ZBTB48: variants seen among roughly 807,000 people sequenced by gnomAD.
The protein encoded by ZBTB48 is zinc finger and BTB domain containing 48.
In ZBTB48, 35 loss-of-function variants were observed where a neutral mutation model predicts 64.5. The ratio of observed to expected loss-of-function variants is 0.54; its 90% CI spans 0.41 to 0.72. The LOEUF (loss-of-function observed/expected upper bound fraction) is 0.72. Among genes scored for constraint, ZBTB48 ranks in the 30% least tolerant of loss-of-function variants. ZBTB48 has a pLI of 0.00. For synonymous variants in ZBTB48, 442 were observed against 356.7 expected, an observed-to-expected ratio of 1.24 and a Z score of -2.70; for missense variants, 828 against 895.3, an observed-to-expected ratio of 0.92 and a Z score of 0.96.
intron 7 of ZBTB48, 90 bp downstream of exon 7, chr1:6,587,722 A>G: frequency 6.4e-7 from 1 of 1,551,200 alleles, no homozygotes; most frequent in Non-Finnish European, 8.7e-7. Context: ...TGACTTTTAC[A>G]CAGATGAGTG....
At position 6,588,949 on chromosome 1, in the gene ZBTB48, C is replaced by T. The variant is rs779914589; in HGVS notation, c.1804C>T (p.Arg602Trp). Residue 602 changes from arginine (R) to tryptophan (W), a missense_variant, in exon 11 of 11, where the codon CGG becomes TGG. By Grantham distance (101) the Arg-to-Trp change is moderately radical. Transcript: ENST00000377674. ...HLRRHMEIHD[R>W]VENYNPRQRK... The stretch of plus-strand genomic sequence containing the variant: ...GCGGAGGCACATGGAGATCCACGAC[C>T]GGGTAGAGAACTACAACCCGCGGCA... 3.7e-6 allele frequency: 6 copies of T among 1,609,292 alleles called. No homozygotes were observed. Among genetic ancestry groups the T allele is most frequent in the East Asian group, 2.2e-5 (1 of 44,812 alleles).
In ZBTB48 at chr1:6,582,238, G is replaced by T. The variant is rs1267359191; in HGVS notation, c.871G>T (p.Val291Phe). 5 of 1,614,002 alleles carry T rather than the reference G, an allele frequency of 3.1e-6. No homozygotes were observed. The highest frequency in any genetic ancestry group is 4.2e-6 in the Non-Finnish European group (5 of 1,180,000). ...GAACAGAAAAGGTACAGCGGTGCCG[G>T]TCGAATGCCCCACATGTCATAAAAA... ...AENRKGTAVP[V>F]ECPTCHKKFL... The change falls in exon 3 of 11, where the codon GTC (valine) becomes TTC (phenylalanine). Residue 291 changes from valine (V) to phenylalanine (F), a missense_variant. Physicochemically the swap from Val to Phe is conservative, Grantham distance 50 (BLOSUM62 -1). Coordinates refer to ENST00000377674, the MANE Select transcript of ZBTB48 (RefSeq NM_005341.4).
intron 7 of ZBTB48, among the ~76,000 whole-genome samples, 155 bp from the exon 8 acceptor site, chr1:6,587,905 C>T (rs1212758813): frequency 6.6e-6 from 1 of 152,170 alleles, no homozygotes; most frequent in Non-Finnish European, 1.5e-5. Flanking sequence ...GTGACTCCTG[C>T]TCATAGATTG....
intron 5 of ZBTB48, 146 bp downstream of exon 5, chr1:6,586,933 C>A (rs891054783): frequency 3.1e-6 from 3 of 970,852 alleles, no homozygotes; most frequent in Admixed American, 2.0e-5. Flanking sequence ...CTTTCCAGTG[C>A]CCCCTTATCT....
Position 6,586,706 on chromosome 1 carries a change from CT to C in ZBTB48, c.1057del (p.Ser353LeufsTer45). ...CCTCACACTGCCAGGTCTTCACGTG[CT>C]CTGTGTGCCAGGAGACATTCCGCCG... Reference protein sequence around the residue: ...MNRSEQVFTCSVCQETFRRRM... With the variant: ...MNRSEQVFTCXVCQETFRRRM... On this transcript the variant is annotated frameshift_variant, in exon 5 of 11. Transcript: ENST00000377674. LOFTEE classifies it high-confidence loss of function. 6.4e-7 allele frequency: 1 copy of C among 1,560,552 alleles called. No individual in the cohort carries two copies. The highest frequency in any genetic ancestry group is 8.7e-7 in the Non-Finnish European group (1 of 1,151,960).
Position 6,588,141 on chromosome 1 carries a change from C to T in ZBTB48, c.1461C>T (p.His487=). Reference sequence around the variant, plus strand: ...ATCTCAACATGCACCTGCGCACACACACGGGTGAGAAGCCCTTCCAGTGCC... The same window carrying T: ...ATCTCAACATGCACCTGCGCACACATACGGGTGAGAAGCCCTTCCAGTGCC... ...KANLNMHLRT[H]TGEKPFQCHL... The change falls in exon 8 of 11, where the codon CAC becomes CAT. Residue 487 remains histidine, a synonymous_variant. Transcript: ENST00000377674. 6.2e-7 allele frequency: 1 copy of T among 1,614,220 alleles called. No homozygotes were observed. Among genetic ancestry groups the T allele is most frequent in the Non-Finnish European group, 8.5e-7 (1 of 1,180,048 alleles).
Position 6,588,805 on chromosome 1 carries a change from G to T in ZBTB48, c.1731G>T (p.Lys577Asn). 3.1e-6 allele frequency: 5 copies of T among 1,614,166 alleles called. No individual in the cohort carries two copies. The highest frequency in any genetic ancestry group is 4.2e-6 in the Non-Finnish European group (5 of 1,180,036). The change falls in exon 10 of 11, where the codon AAG (lysine) becomes AAT (asparagine). Residue 577 changes from lysine to asparagine, a missense_variant. Transcript: ENST00000377674. ...TCAGACGGCACAAGGGGGTGAGGAA[G>T]TTTGAGTGCACCGAGTGTGGCTACA... ...VHVRRHKGVR[K>N]FECTECGYKF...
chr1:6,582,164 C>A lies in ZBTB48; in HGVS notation c.797C>A (p.Ala266Glu), dbSNP rs1640493515. ...TCAAATGTAATCCGAAAGCCCTGTGCAGCTGAGCCAGCCCTGAGCGCGGGC... is the reference window on the plus strand; with the variant it reads ...TCAAATGTAATCCGAAAGCCCTGTGAAGCTGAGCCAGCCCTGAGCGCGGGC... ...RKSNVIRKPC[A>E]AEPALSAGSL... The change falls in exon 3 of 11, where the codon GCA (alanine) becomes GAA (glutamate). Residue 266 changes from alanine to glutamate, a missense_variant. Coordinates refer to ENST00000377674, the MANE Select transcript of ZBTB48 (RefSeq NM_005341.4). 1 of 1,614,218 alleles carries A rather than the reference C, an allele frequency of 6.2e-7. No homozygotes were observed. Among genetic ancestry groups the A allele is most frequent in the Non-Finnish European group, 8.5e-7 (1 of 1,180,048 alleles).
rs1640783093 is a variant in ZBTB48, at chr1:6,589,006, G to A, written c.1861G>A (p.Glu621Lys). 8 of 1,596,862 alleles carry A rather than the reference G, an allele frequency of 5.0e-6. No individual in the cohort carries two copies. Among genetic ancestry groups the A allele is most frequent in the Non-Finnish European group, 6.0e-6 (7 of 1,170,056 alleles). The change falls in exon 11 of 11, where the codon GAG (glutamate) becomes AAG (lysine). Residue 621 changes from glutamate (E) to lysine (K), a missense_variant. Glu to Lys is a moderately conservative substitution (Grantham distance 56). Coordinates refer to ENST00000377674, the MANE Select transcript of ZBTB48 (RefSeq NM_005341.4). Reference sequence around the variant, plus strand: ...GCTCCGCAACCTGATCATCGAGGACGAGAAGATGGTGGTGGTGGCGCTGCA... The same window carrying A: ...GCTCCGCAACCTGATCATCGAGGACAAGAAGATGGTGGTGGTGGCGCTGCA... ...RKLRNLIIED[E>K]KMVVVALQPP...
rs1278009402 is a variant in ZBTB48 at position 6,580,641 on chromosome 1, G to A, written c.32G>A (p.Arg11Lys). 1.9e-6 allele frequency: 3 copies of A among 1,613,990 alleles called. No individual in the cohort carries two copies. The highest frequency in any genetic ancestry group is 1.7e-5 in the Admixed American group (1 of 60,028). ...GGCTCCTTCGTCCAGCACAGTGTGAGGGTTCTGCAGGAGCTCAACAAGCAG... is the reference window on the plus strand; with the variant it reads ...GGCTCCTTCGTCCAGCACAGTGTGAAGGTTCTGCAGGAGCTCAACAAGCAG... MDGSFVQHSV[R>K]VLQELNKQRE... The change falls in exon 2 of 11, where the codon AGG becomes AAG. Residue 11 changes from arginine (R) to lysine (K), a missense_variant. Coordinates refer to ENST00000377674, the MANE Select transcript of ZBTB48 (RefSeq NM_005341.4). This position sits in a 1 kb window ranked among gnomAD's most constrained non-coding sequence, Gnocchi z 5.2.
chr1:6,585,969 A>C lies in ZBTB48; in HGVS notation c.983A>C (p.Tyr328Ser). The C allele has an allele frequency of 6.2e-7, 1 of 1,614,148 alleles. No individual in the cohort carries two copies. The highest frequency in any genetic ancestry group is 8.5e-7 in the Non-Finnish European group (1 of 1,179,970). ...PFECPKCGKC[Y>S]FRKENLLEHE... ...GAGTGTCCCAAATGTGGGAAGTGTTACTTTCGGAAGGAGAACCTCCTGGAG... is the reference window on the plus strand; with the variant it reads ...GAGTGTCCCAAATGTGGGAAGTGTTCCTTTCGGAAGGAGAACCTCCTGGAG... The change falls in exon 4 of 11, where the codon TAC becomes TCC. Residue 328 changes from tyrosine (Y) to serine (S), a missense_variant. By Grantham distance (144) the Tyr-to-Ser change is moderately radical. Coordinates refer to ENST00000377674, the MANE Select transcript of ZBTB48 (RefSeq NM_005341.4).
At chr1:6,586,861 G>A (rs1640688597) in intron 5 of ZBTB48, 74 bp downstream of exon 5, 1 of 1,519,606 alleles carries the variant, frequency 6.6e-7, no homozygotes, top group Non-Finnish European at 8.9e-7. Context: ...TTTACGTGGG[G>A]TGCTGTCAGG....
At chr1:6,587,121 G>C (rs758390601) in intron 5 of ZBTB48, 84 bp from the exon 6 acceptor site, 1 of 1,450,292 alleles carries the variant, frequency 6.9e-7, no homozygotes, top group Non-Finnish European at 9.6e-7. Flanking sequence ...CCTCCCTCTA[G>C]TTCCTGCCCT....
Position 6,581,128 on chromosome 1 carries a change from G to C in ZBTB48, c.519G>C (p.Gln173His), listed in dbSNP as rs1570154149. The change falls in exon 2 of 11, where the codon CAG (glutamine) becomes CAC (histidine). Residue 173 changes from glutamine (Q) to histidine (H), a missense_variant. Transcript: ENST00000377674. Reference protein sequence around the residue: ...DQEPRGSHSPQRPQLHSPAQS... With the variant: ...DQEPRGSHSPHRPQLHSPAQS... The stretch of plus-strand genomic sequence containing the variant: ...AGCCCAGAGGCAGTCATAGTCCTCA[G>C]AGGCCCCAGCTCCATTCCCCAGCTC... The C allele has an allele frequency of 6.2e-7, 1 of 1,613,350 alleles. No individual in the cohort carries two copies. Among genetic ancestry groups the C allele is most frequent in the Non-Finnish European group, 8.5e-7 (1 of 1,179,984 alleles).
Position 6,582,181 on chromosome 1 carries a change from A to G in ZBTB48, c.814A>G (p.Ser272Gly). The part of the protein sequence containing the change: ...RKPCAAEPAL[S>G]AGSLAAEPAE... ...GCCCTGTGCAGCTGAGCCAGCCCTGAGCGCGGGCTCCCTAGCAGCTGAGCC... is the reference window on the plus strand; with the variant it reads ...GCCCTGTGCAGCTGAGCCAGCCCTGGGCGCGGGCTCCCTAGCAGCTGAGCC... The change falls in exon 3 of 11, where the codon AGC becomes GGC. Residue 272 changes from serine to glycine, a missense_variant. Ser to Gly is a moderately conservative substitution (Grantham distance 56). Transcript: ENST00000377674. The G allele has an allele frequency of 6.2e-7, 1 of 1,614,212 alleles. No individual in the cohort carries two copies. The highest frequency in any genetic ancestry group is 2.2e-5 in the East Asian group (1 of 44,892).
chr1:6,587,430 C>T (rs765319960), intron 6 of ZBTB48, 48 bp from the exon 7 acceptor site: 5 of 1,611,734 alleles, frequency 3.1e-6, no homozygotes, highest in South Asian at 1.1e-5. Flanking sequence ...CTTCCCTGCT[C>T]TCACCCTGGC....
At position 6,580,423 on chromosome 1, in the gene ZBTB48, G is replaced by A. The variant is rs12043303; in HGVS notation, c.-69-118G>A. On this transcript the variant is annotated intron_variant, in intron 1 of 10. Transcript: ENST00000377674. The surrounding 1 kb of genome is among the most constrained non-coding windows in gnomAD (Gnocchi z 5.2). ...CCAATATGGCCCCCGGCCCCCGGGA[G>A]GCTGTCAGTGTGTTCCAGCCCTCCG... 1,970 of 629,834 alleles carry A rather than the reference G, an allele frequency of 3.1e-3. 33 individuals are homozygous for A. The highest frequency in any genetic ancestry group is 0.019 in the African/African-American group (1,050 of 54,412). 39.0% of individuals were successfully genotyped at this position (629,834 alleles called of 1,614,324 possible).
At position 6,589,123 on chromosome 1, in the gene ZBTB48, C is replaced by T. The variant is rs967859694; in HGVS notation, c.1978C>T (p.Leu660=). The change falls in exon 11 of 11, where the codon CTG becomes TTG. Residue 660 remains leucine, a synonymous_variant. Coordinates refer to ENST00000377674, the MANE Select transcript of ZBTB48 (RefSeq NM_005341.4). ...GLASQLPGQR[L]CAEESFTGPG... ...GGCCTCCCAGCTCCCCGGCCAGAGACTGTGTGCAGAGGAGAGCTTCACCGG... is the reference window on the plus strand; with the variant it reads ...GGCCTCCCAGCTCCCCGGCCAGAGATTGTGTGCAGAGGAGAGCTTCACCGG... 3 of 1,606,424 alleles carry T rather than the reference C, an allele frequency of 1.9e-6. No individual in the cohort carries two copies. Among genetic ancestry groups the T allele is most frequent in the Non-Finnish European group, 1.7e-6 (2 of 1,177,246 alleles).
chr1:6,580,428 T>G lies in ZBTB48; in HGVS notation c.-69-113T>G. 2 of 634,276 alleles carry G rather than the reference T, an allele frequency of 3.2e-6. No individual in the cohort carries two copies. Among genetic ancestry groups the G allele is most frequent in the Non-Finnish European group, 5.3e-6 (2 of 373,906 alleles). The allele number at this position is 634,276 out of a possible 1,614,324, so 39.3% of individuals were successfully genotyped here. A position where few individuals can be genotyped will look rare whatever the true frequency, so the allele number is the denominator to read the frequency against. On this transcript the variant is annotated intron_variant, in intron 1 of 10. Transcript: ENST00000377674. The surrounding 1 kb of genome is among the most constrained non-coding windows in gnomAD (Gnocchi z 5.2). ...ATGGCCCCCGGCCCCCGGGAGGCTG[T>G]CAGTGTGTTCCAGCCCTCCGCGTGC...
Sources: allele counts gnomAD v4.1 joint callset (sites outside exome capture counted in the v4.1 genomes callset), GRCh38; gene constraint gnomAD v4.1.1; non-coding constraint Gnocchi (gnomAD v3.1); transcripts MANE v1.5; gene names NCBI Gene and HGNC (gene_info 2026-07-23, HGNC 2026-07-21).